The following CTNNA3 variants were observed in gnomAD, a reference collection of about 807,000 sequenced individuals.
CTNNA3 encodes catenin alpha-3.
In CTNNA3, 76 loss-of-function variants were observed where a neutral mutation model predicts 95.7. The observed-to-expected ratio is 0.79, with a 90% confidence interval of 0.66 to 0.96. CTNNA3 has a LOEUF of 0.96. CTNNA3 is among the 40% of genes least tolerant of loss of function. The pLI, the probability that CTNNA3 is intolerant of heterozygous loss-of-function variation, is 0.00. For missense variants in CTNNA3, 1,191 were observed against 1,089.8 expected, an observed-to-expected ratio of 1.09 and a Z score of -1.31; for synonymous variants, 431 against 374.4, an observed-to-expected ratio of 1.15 and a Z score of -1.74.
At chr10:66,639,957 T>C (rs1845460358) in intron 9 of CTNNA3, among the ~76,000 whole-genome samples, 1 of 152,122 alleles carries the variant, frequency 6.6e-6, no homozygotes, top group Non-Finnish European at 1.5e-5. Context: ...GGATGAACTG[T>C]GCACCTCTCT....
chr10:67,448,743 T>G (rs1697561559), intron 5 of CTNNA3, among the ~76,000 whole-genome samples: 1 of 150,802 alleles, frequency 6.6e-6, no homozygotes, highest in South Asian at 2.1e-4. Context: ...TCTTAAAGAT[T>G]CCATCTTTAA....
chr10:66,515,720 G>A (rs1156558295), intron 11 of CTNNA3, among the ~76,000 whole-genome samples: 1 of 152,014 alleles, frequency 6.6e-6, no homozygotes, highest in East Asian at 1.9e-4. Flanking sequence ...TGGCAGGAAG[G>A]AGAATGAGAG....
At chr10:66,847,080 GC>G (rs1843309128) in intron 7 of CTNNA3, among the ~76,000 whole-genome samples, 2 of 152,162 alleles carry the variant, frequency 1.3e-5, no homozygotes, top group Non-Finnish European at 2.9e-5. Flanking sequence ...CAGTTTCTAG[GC>G]TGCTTGCAGA....
At chr10:66,902,448 C>A (rs1845793422) in intron 7 of CTNNA3, among the ~76,000 whole-genome samples, 1 of 152,060 alleles carries the variant, frequency 6.6e-6, no homozygotes, top group African/African-American at 2.4e-5. Context: ...AAAATCGACA[C>A]CCTAACATCA....
At chr10:67,608,023 G>A (rs1016479421) in intron 2 of CTNNA3, among the ~76,000 whole-genome samples, 2 of 152,128 alleles carry the variant, frequency 1.3e-5, no homozygotes, top group African/African-American at 2.4e-5. Context: ...TAAAGTTGGC[G>A]GAGGGAATAC....
At chr10:66,296,830 A>G (rs1015736790) in intron 12 of CTNNA3, among the ~76,000 whole-genome samples, 21 of 152,194 alleles carry the variant, frequency 1.4e-4, no homozygotes, top group Admixed American at 2.6e-4. Context: ...AAGCTTGATT[A>G]GCAAACATAA....
intron 8 of CTNNA3, among the ~76,000 whole-genome samples, chr10:66,768,368 A>G (rs1458508859): frequency 6.6e-6 from 1 of 152,202 alleles, no homozygotes; most frequent in African/African-American, 2.4e-5. Context: ...ATATAGAGTG[A>G]GGAGACCCAC....
chr10:67,681,874 T>C (rs1402931583), intron 1 of CTNNA3, among the ~76,000 whole-genome samples: 1 of 152,032 alleles, frequency 6.6e-6, no homozygotes, highest in East Asian at 1.9e-4. Context: ...AAAGAAGAAC[T>C]CAGCCAGGCG....
chr10:67,028,588 G>A (rs1446086193), intron 7 of CTNNA3, among the ~76,000 whole-genome samples: 1 of 149,994 alleles, frequency 6.7e-6, no homozygotes, highest in Non-Finnish European at 1.5e-5. Flanking sequence ...CATGTGCAAT[G>A]AGAATTTTCC....
chr10:67,635,349 G>A (rs980523107), intron 2 of CTNNA3, among the ~76,000 whole-genome samples: 4 of 152,036 alleles, frequency 2.6e-5, no homozygotes, highest in Non-Finnish European at 1.5e-5. Context: ...GATAAAATCT[G>A]GCAGAGATAC....
intron 13 of CTNNA3, among the ~76,000 whole-genome samples, chr10:66,253,349 CTTT>C (rs1443273494): frequency 6.6e-6 from 1 of 150,632 alleles, no homozygotes; most frequent in Non-Finnish European, 1.5e-5. Flanking sequence ...CAGGCCTCTT[CTTT>C]GTTTTCTCAC....
chr10:66,069,900 A>T (rs1589323022), intron 14 of CTNNA3, among the ~76,000 whole-genome samples: 1 of 152,258 alleles, frequency 6.6e-6, no homozygotes, highest in Middle Eastern at 3.4e-3. Context: ...GACTATGTCT[A>T]CCTATGTGTA....
At chr10:66,469,188 G>T (rs1589293355) in intron 11 of CTNNA3, among the ~76,000 whole-genome samples, 1 of 151,972 alleles carries the variant, frequency 6.6e-6, no homozygotes, top group African/African-American at 2.4e-5. Flanking sequence ...ACATATTCAA[G>T]AAGGAAAACA....
At chr10:66,006,591 G>C (rs990985676) in intron 15 of CTNNA3, among the ~76,000 whole-genome samples, 2 of 151,912 alleles carry the variant, frequency 1.3e-5, no homozygotes, top group African/African-American at 2.4e-5. Context: ...TCTTTTTCCT[G>C]TTGGCAGTGG....
intron 5 of CTNNA3, among the ~76,000 whole-genome samples, chr10:67,375,501 T>C (rs2132715325): frequency 6.6e-6 from 1 of 152,160 alleles, no homozygotes; most frequent in South Asian, 2.1e-4. Flanking sequence ...TAATCCCAGC[T>C]ACTCGGGAAG....
intron 3 of CTNNA3, among the ~76,000 whole-genome samples, chr10:67,587,929 T>C (rs532600079): frequency 4.6e-5 from 7 of 152,270 alleles, no homozygotes; most frequent in Admixed American, 1.3e-4. Context: ...TTTGTCTGAC[T>C]GGATTATTTT....
chr10:66,926,468 C>A, intron 7 of CTNNA3: 6 of 1,220,714 alleles, frequency 4.9e-6, no homozygotes, highest in Non-Finnish European at 7.1e-6. Flanking sequence ...TCCAATTTTT[C>A]TTCCTGGGTG....
At chr10:66,931,700 T>C (rs1847404324) in intron 7 of CTNNA3, among the ~76,000 whole-genome samples, 1 of 152,238 alleles carries the variant, frequency 6.6e-6, no homozygotes, top group African/African-American at 2.4e-5. Flanking sequence ...AATATAATTA[T>C]AATGTAATTT....
intron 13 of CTNNA3, among the ~76,000 whole-genome samples, chr10:66,130,746 C>T (rs2083052336): frequency 6.6e-6 from 1 of 151,600 alleles, no homozygotes; most frequent in African/African-American, 2.4e-5. Context: ...GTCCCAGCTA[C>T]TCAGGAGGCT....
Sources: allele counts gnomAD v4.1 joint callset (sites outside exome capture counted in the v4.1 genomes callset), GRCh38; gene constraint gnomAD v4.1.1; transcripts MANE v1.5; gene names NCBI Gene and HGNC (gene_info 2026-07-23, HGNC 2026-07-21).